The following ANAPC10 variants were observed in gnomAD, a reference collection of about 807,000 sequenced individuals.
ANAPC10 encodes the protein anaphase promoting complex subunit 10.
A neutral mutation model predicts 22.0 loss-of-function variants in ANAPC10; 12 were observed. The observed-to-expected ratio is 0.55, with a 90% CI of 0.35 to 0.88. The LOEUF is 0.88. Ranked by LOEUF, ANAPC10 falls within the 40% of genes least tolerant of loss-of-function variation. The pLI, the probability that ANAPC10 is intolerant of heterozygous loss-of-function variation, is 0.01. For synonymous variants in ANAPC10, 65 were observed against 69.5 expected (o/e 0.94, Z 0.32); for missense variants, 188 against 220.9 (o/e 0.85, Z 0.94).
intron 4 of ANAPC10, among the ~76,000 whole-genome samples, chr4:145,000,610 C>G (rs1732376439): frequency 6.6e-6 from 1 of 152,204 alleles, no homozygotes; most frequent in African/African-American, 2.4e-5. Flanking sequence ...GGACTGTAAA[C>G]TAGTTCAACC....
At chr4:145,071,310 G>A (rs1243980867) in intron 3 of ANAPC10, among the ~76,000 whole-genome samples, 1 of 152,220 alleles carries the variant, frequency 6.6e-6, no homozygotes, top group Non-Finnish European at 1.5e-5. Context: ...GGAGGCTGAG[G>A]CAGGAGAATT....
chr4:145,092,063 G>T (rs1747760934), intron 2 of ANAPC10, among the ~76,000 whole-genome samples: 1 of 152,002 alleles, frequency 6.6e-6, no homozygotes, highest in African/African-American at 2.4e-5. Context: ...ACTAACACAG[G>T]AACAGAAAAC....
rs371939778 is a variant in ANAPC10 at position 145,017,386 on chromosome 4, T to C, written c.328-21783A>G. Among the ~76,000 whole-genome samples the C allele has an allele frequency of 6.6e-5, 10 of 152,276 alleles. No individual in the cohort carries two copies. The South Asian group carries it at 1.0e-3, about 16-fold the overall frequency. On this transcript the variant is annotated intron_variant, in intron 4 of 4. Transcript: ENST00000507656. ...ATGAAAAAATGCTCATCATCACTGG[T>C]CATCAGAGAAATGCAAATCAAAACC...
In ANAPC10 at chr4:145,035,186, G is replaced by T. The variant is rs1303417239; in HGVS notation, c.327+29386C>A. 3 of 152,208 alleles carry T rather than the reference G, an allele frequency of 2.0e-5. No individual in the cohort carries two copies. In the East Asian group the frequency reaches 5.8e-4, roughly 29 times the overall value. 9.4% of individuals were successfully genotyped at this position (152,208 alleles called of 1,614,324 possible). ...TGTCACCCCACTAATCACCAGAGTT[G>T]ATTTCAGCTGATCTAGCTGGCTAGA... On this transcript the variant is annotated intron_variant, in intron 4 of 4. Transcript: ENST00000507656.
intron 1 of ANAPC10, chr4:145,097,721 T>G (rs2126685888): frequency 2.7e-6 from 1 of 368,584 alleles, no homozygotes; most frequent in East Asian, 7.4e-5. Context: ...GCGAGACTAT[T>G]CAACCTGCAA....
At chr4:145,084,675 A>C (rs540643312) in intron 2 of ANAPC10, among the ~76,000 whole-genome samples, 1 of 152,336 alleles carries the variant, frequency 6.6e-6, no homozygotes, top group Non-Finnish European at 1.5e-5. Flanking sequence ...AAATGTAAAA[A>C]TTGGGCTATT....
intron 4 of ANAPC10, among the ~76,000 whole-genome samples, chr4:144,998,879 T>A (rs1732054718): frequency 6.6e-6 from 1 of 151,522 alleles, no homozygotes; most frequent in Non-Finnish European, 1.5e-5. Context: ...GCAACACTAA[T>A]AAAGAAGAAA....
At chr4:145,054,402 C>T (rs900712368) in intron 4 of ANAPC10, among the ~76,000 whole-genome samples, 2 of 149,798 alleles carry the variant, frequency 1.3e-5, no homozygotes, top group Admixed American at 6.6e-5. Flanking sequence ...AAAAAATATA[C>T]AAAAAATTAG....
chr4:145,054,342 G>A (rs915347856), intron 4 of ANAPC10, among the ~76,000 whole-genome samples: 18 of 148,968 alleles, frequency 1.2e-4, no homozygotes, highest in Non-Finnish European at 2.4e-4. Flanking sequence ...ATGAGGTCAG[G>A]AGATCGAGAC....
intron 4 of ANAPC10, among the ~76,000 whole-genome samples, chr4:145,032,879 T>TG (rs1737838945): frequency 6.6e-6 from 1 of 152,190 alleles, no homozygotes; most frequent in African/African-American, 2.4e-5. Flanking sequence ...TTACCAGATA[T>TG]GGTTTTGCCT....
chr4:145,043,011 GA>G (rs1739744094), intron 4 of ANAPC10, among the ~76,000 whole-genome samples: 1 of 150,968 alleles, frequency 6.6e-6, no homozygotes, highest in Non-Finnish European at 1.5e-5. Flanking sequence ...CAAAAGAGGG[GA>G]AAAAAGAAAT....
In ANAPC10 at chr4:144,994,808, A is replaced by G. The variant is rs1227382217; in HGVS notation, c.*565T>C. The G allele has an allele frequency of 6.6e-6, 1 of 152,244 alleles. No individual in the cohort carries two copies. The highest frequency in any genetic ancestry group is 2.4e-5 in the African/African-American group (1 of 41,454). The allele number at this position is 152,244 out of a possible 1,614,324, so 9.4% of individuals were successfully genotyped here. On this transcript the variant is annotated 3_prime_UTR_variant, in exon 5 of 5. Coordinates refer to ENST00000507656, the MANE Select transcript of ANAPC10 (RefSeq NM_001256706.2). ...CTGTAAGTATTCCGTGAAGGTGAAT[A>G]TGAGACAATTAATTATACTCCCCAT...
chr4:145,080,028 C>G (rs1310758246), intron 3 of ANAPC10, among the ~76,000 whole-genome samples: 2 of 143,998 alleles, frequency 1.4e-5, no homozygotes, highest in Non-Finnish European at 3.0e-5. Flanking sequence ...GCAGGAGAAT[C>G]ACTTGAACCT....
intron 2 of ANAPC10, among the ~76,000 whole-genome samples, chr4:145,084,093 T>C (rs937766423): frequency 6.6e-6 from 1 of 152,098 alleles, no homozygotes; most frequent in Non-Finnish European, 1.5e-5. Context: ...ACCTCAGTCA[T>C]CTAGGTAGCT....
intron 3 of ANAPC10, among the ~76,000 whole-genome samples, chr4:145,071,571 T>C (rs1388917322): frequency 6.6e-6 from 1 of 152,064 alleles, no homozygotes; most frequent in East Asian, 1.9e-4. Context: ...AGAAAAACCA[T>C]ATGATCCGTA....
intron 4 of ANAPC10, among the ~76,000 whole-genome samples, chr4:145,024,212 T>C (rs1244110346): frequency 1.3e-5 from 2 of 152,226 alleles, no homozygotes; most frequent in South Asian, 2.1e-4. Context: ...AGTTACTTTC[T>C]CAACTGAAGT....
intron 4 of ANAPC10, among the ~76,000 whole-genome samples, chr4:145,009,436 T>C (rs1404079535): frequency 2.0e-5 from 3 of 150,304 alleles, no homozygotes; most frequent in Non-Finnish European, 4.5e-5. Flanking sequence ...CAAAATATAC[T>C]AAAACCAAAA....
At chr4:145,060,623 T>TACACC (rs1489331916) in intron 4 of ANAPC10, among the ~76,000 whole-genome samples, 1 of 151,898 alleles carries the variant, frequency 6.6e-6, no homozygotes, top group Non-Finnish European at 1.5e-5. Flanking sequence ...CACACTACAC[T>TACACC]ACACCCTCCA....
chr4:145,021,997 A>C (rs1736023779), intron 4 of ANAPC10, among the ~76,000 whole-genome samples: 1 of 152,106 alleles, frequency 6.6e-6, no homozygotes, highest in Non-Finnish European at 1.5e-5. Context: ...GAATGGCCAT[A>C]ATCAAAAAAT....
Sources: allele counts gnomAD v4.1 joint callset (sites outside exome capture counted in the v4.1 genomes callset), GRCh38; gene constraint gnomAD v4.1.1; transcripts MANE v1.5; gene names NCBI Gene and HGNC (gene_info 2026-07-23, HGNC 2026-07-21).